The following ADGRF3 variants were observed in gnomAD, a reference collection of about 807,000 sequenced individuals.
ADGRF3 encodes the protein G protein-coupled receptor 113.
A neutral mutation model predicts 93.2 loss-of-function variants in ADGRF3; 85 were observed. The ratio of observed to expected loss-of-function variants is 0.91; its 90% CI spans 0.77 to 1.09. ADGRF3 has a LOEUF of 1.09. ADGRF3 is among the 50% of genes least tolerant of loss of function. The pLI is 0.00. For synonymous variants in ADGRF3, 534 were observed against 532.5 expected, an observed-to-expected ratio of 1.00 and a Z score of -0.04; for missense variants, 1,125 against 1,246.2, an observed-to-expected ratio of 0.90 and a Z score of 1.46.
In ADGRF3 at chr2:26,315,561, C is replaced by G. The variant is rs1674574778; in HGVS notation, c.679G>C (p.Ala227Pro). The G allele has an allele frequency of 1.9e-6, 3 of 1,551,506 alleles. No homozygotes were observed. In the South Asian group the frequency reaches 3.6e-5, roughly 18 times the overall value. Residue 227 changes from alanine to proline, a missense_variant, in exon 5 of 14, where the codon GCT (alanine) becomes CCT (proline). Coordinates refer to ENST00000651242, the MANE Select transcript of ADGRF3 (RefSeq NM_001321971.2). ...GACATGTTGGAGACGCTGAGGGCAG[C>G]CTGGCCGTGGCTGGAAGTCACAGAC... ...QVSVTSSHGQ[A>P]ALSVSNMSHH...
rs1183246387 is a variant in ADGRF3 at position 26,311,837 on chromosome 2, G to C, written c.1687C>G (p.Pro563Ala). 6.2e-7 allele frequency: 1 copy of C among 1,613,882 alleles called. No homozygotes were observed. Among genetic ancestry groups the C allele is most frequent in the East Asian group, 2.2e-5 (1 of 44,868 alleles). Residue 563 changes from proline to alanine, a missense_variant, in exon 10 of 14, where the codon CCC becomes GCC. Pro to Ala is a conservative substitution (Grantham distance 27). Coordinates refer to ENST00000651242, the MANE Select transcript of ADGRF3 (RefSeq NM_001321971.2). ...CTGGGAATCTGAGCCTGCAGTGGGGGCCGAGTAGGGAAGGAGATGCTGTAG... is the reference window on the plus strand; with the variant it reads ...CTGGGAATCTGAGCCTGCAGTGGGGCCCGAGTAGGGAAGGAGATGCTGTAG... ...ADYSISFPTRPPLQAQIPRHS... is the reference protein window; with the variant it reads ...ADYSISFPTRAPLQAQIPRHS...
intron 1 of ADGRF3, among the ~76,000 whole-genome samples, chr2:26,344,601 TACTGCCCTCGAGGGCAAGTGTGATAAAGG>T (rs1434116401): frequency 3.3e-5 from 5 of 152,206 alleles, no homozygotes; most frequent in African/African-American, 9.7e-5. Context: ...AAGATGCAAA[TACTGCCCTCGAGGGCAAGTGTGATAAAGG>T]ACACTGAAGT....
chr2:26,316,772 G>A (rs1194814689), intron 3 of ADGRF3, 140 bp downstream of exon 3: 1 of 915,186 alleles, frequency 1.1e-6, no homozygotes, highest in Non-Finnish European at 1.6e-6. Flanking sequence ...TGAGGAAGGA[G>A]CTGGGCCACG....
At chr2:26,318,512 T>C (rs138104508) in intron 1 of ADGRF3, among the ~76,000 whole-genome samples, 44 of 152,284 alleles carry the variant, frequency 2.9e-4, no homozygotes, top group African/African-American at 1.0e-3. Flanking sequence ...GCAATAGAGA[T>C]AGATTTAGGC....
Position 26,309,598 on chromosome 2 carries a change from A to G in ADGRF3, c.2938-17T>C, listed in dbSNP as rs768913517. ...ATTTGTGGCCTAGGAAGGGGTGGGA[A>G]GGCCCAATTGCAGGGCAGTTATTAG... On this transcript the variant is annotated splice_polypyrimidine_tract_variant and intron_variant, in intron 12 of 13. Transcript: ENST00000651242. 6.2e-7 allele frequency: 1 copy of G among 1,611,354 alleles called. No homozygotes were observed. The highest frequency in any genetic ancestry group is 8.5e-7 in the Non-Finnish European group (1 of 1,179,102).
chr2:26,327,611 G>T (rs1348199940), intron 1 of ADGRF3, among the ~76,000 whole-genome samples: 1 of 149,862 alleles, frequency 6.7e-6, no homozygotes, highest in African/African-American at 2.5e-5. Flanking sequence ...GAAGTCCAAG[G>T]TTGAGGGGCT....
chr2:26,311,937 C>T lies in ADGRF3; in HGVS notation c.1587G>A (p.Gln529=). ...GTAAGCTGAAGGCGAAGGGGTGGTC[C>T]TGTGGGCACAGGCTGCATGCCAGGG... The part of the protein sequence containing the change: ...VETLACSLCP[Q]DHPFAFSLPN... The change falls in exon 10 of 14, where the codon CAG becomes CAA. Residue 529 remains glutamine (Q), a synonymous_variant. Coordinates refer to ENST00000651242, the MANE Select transcript of ADGRF3 (RefSeq NM_001321971.2). 6.2e-7 allele frequency: 1 copy of T among 1,613,840 alleles called. No homozygotes were observed. Among genetic ancestry groups the T allele is most frequent in the Non-Finnish European group, 8.5e-7 (1 of 1,179,848 alleles).
At position 26,311,728 on chromosome 2, in the gene ADGRF3, G is replaced by A. The variant is rs143113161; in HGVS notation, c.1796C>T (p.Pro599Leu). 10 of 1,613,278 alleles carry A rather than the reference G, an allele frequency of 6.2e-6. No individual in the cohort carries two copies. The African/African-American group carries it at 1.2e-4, about 19-fold the overall frequency. ...LVLRKLDHLL[P>L]SNYGQGLGDS... Reference sequence around the variant, plus strand: ...CCCCAGCCCTTGTCCATAGTTTGAGGGCAGAAGGTGGTCCAGTTTTCGCAG... The same window carrying A: ...CCCCAGCCCTTGTCCATAGTTTGAGAGCAGAAGGTGGTCCAGTTTTCGCAG... Residue 599 changes from proline to leucine, a missense_variant, in exon 10 of 14, where the codon CCC becomes CTC. Coordinates refer to ENST00000651242, the MANE Select transcript of ADGRF3 (RefSeq NM_001321971.2).
chr2:26,341,703 G>T (rs1676406440), intron 1 of ADGRF3, among the ~76,000 whole-genome samples: 1 of 151,910 alleles, frequency 6.6e-6, no homozygotes, highest in Admixed American at 6.6e-5. Context: ...TCCCTATGTT[G>T]CCCAGGCTGG....
At chr2:26,316,817 A>G (rs975889698) in intron 3 of ADGRF3, 95 bp downstream of exon 3, 1 of 1,367,814 alleles carries the variant, frequency 7.3e-7, no homozygotes, top group African/African-American at 1.5e-5. Context: ...TCCAGGAAAT[A>G]CAGAGGGGCT....
intron 1 of ADGRF3, among the ~76,000 whole-genome samples, chr2:26,319,308 G>C (rs1276311761): frequency 6.6e-6 from 1 of 152,188 alleles, no homozygotes; most frequent in Non-Finnish European, 1.5e-5. Flanking sequence ...GAGCAGGAGA[G>C]GCTTAGGGGT....
At chr2:26,334,613 G>A (rs1267653776) in intron 1 of ADGRF3, among the ~76,000 whole-genome samples, 1 of 152,062 alleles carries the variant, frequency 6.6e-6, no homozygotes, top group Non-Finnish European at 1.5e-5. Context: ...AATCTTATAT[G>A]GGTAATTTGT....
intron 1 of ADGRF3, among the ~76,000 whole-genome samples, chr2:26,330,376 C>T (rs1275787996): frequency 2.0e-5 from 3 of 152,194 alleles, no homozygotes; most frequent in African/African-American, 7.2e-5. Context: ...CATTCTAGTA[C>T]TTTCTGATTC....
intron 1 of ADGRF3, among the ~76,000 whole-genome samples, chr2:26,343,679 G>A (rs1676523345): frequency 6.6e-6 from 1 of 152,130 alleles, no homozygotes; most frequent in Non-Finnish European, 1.5e-5. Flanking sequence ...TCCTGACCTC[G>A]TGATCCGCCC....
intron 9 of ADGRF3, 98 bp downstream of exon 9, chr2:26,312,845 A>C: frequency 8.7e-7 from 1 of 1,153,322 alleles, no homozygotes; most frequent in South Asian, 1.5e-5. Flanking sequence ...GCTGCCCAAC[A>C]GCCCATGGTG....
Position 26,311,544 on chromosome 2 carries a change from AC to A in ADGRF3, c.1979del (p.Gly660ValfsTer46), listed in dbSNP as rs760676403. On this transcript the variant is annotated frameshift_variant, in exon 10 of 14. Coordinates refer to ENST00000651242, the MANE Select transcript of ADGRF3 (RefSeq NM_001321971.2). LOFTEE classifies it high-confidence loss of function. ...WDHSLFQGRG[G>X]WSKEGCQAQV... ...GTGCCTGGCACCCTTCTTTGGACCA[AC>A]CCCCCCTGCCCTGGAAGAGACTGTG... The A allele has an allele frequency of 9.9e-6, 16 of 1,613,326 alleles. No homozygotes were observed. In the African/African-American group the frequency reaches 1.2e-4, roughly 12 times the overall value.
intron 3 of ADGRF3, 75 bp downstream of exon 3, chr2:26,316,837 T>C: frequency 6.7e-7 from 1 of 1,483,448 alleles, no homozygotes. Context: ...TCACAGAGTC[T>C]CAGGCAAGCT....
chr2:26,328,230 AT>A (rs1200039943), intron 1 of ADGRF3, among the ~76,000 whole-genome samples: 2 of 149,884 alleles, frequency 1.3e-5, no homozygotes, highest in Non-Finnish European at 3.0e-5. Flanking sequence ...GTAATCTATC[AT>A]TTTTCCTTGG....
chr2:26,337,867 AC>A (rs1676142746), intron 1 of ADGRF3, among the ~76,000 whole-genome samples: 1 of 152,028 alleles, frequency 6.6e-6, no homozygotes, highest in South Asian at 2.1e-4. Context: ...TACTAAAAAT[AC>A]AAAAATCGGC....
Sources: gnomAD v4.1 joint callset for allele counts (sites outside exome capture counted in the v4.1 genomes callset) on GRCh38, gnomAD v4.1.1 for gene constraint, MANE v1.5 for transcripts, NCBI Gene and HGNC (gene_info 2026-07-23, HGNC 2026-07-21) for gene names.